Variants in PIAS2 observed in about 807,000 individuals in gnomAD.
PIAS2 encodes E3 SUMO-protein ligase PIAS2.
Under a neutral mutation model 69.7 loss-of-function variants are expected in PIAS2, and 19 were observed. That is an observed-to-expected ratio of 0.27 (90% confidence interval 0.19 to 0.40). The LOEUF (loss-of-function observed/expected upper bound fraction) is 0.40, where lower values mean the gene tolerates loss of function less well. Ranked by LOEUF, PIAS2 falls within the 10% of genes least tolerant of loss-of-function variation. The probability of loss-of-function intolerance (pLI) is 1.00; values close to 1 mark genes in which losing one functional copy is unlikely to be tolerated. For synonymous variants in PIAS2, 261 were observed against 263.2 expected (o/e 0.99, Z 0.08); for missense variants, 624 against 757.0 (o/e 0.82, Z 2.06).
At chr18:46,908,171 T>C (rs975623987) in intron 1 of PIAS2, among the ~76,000 whole-genome samples, 5 of 152,196 alleles carry the variant, frequency 3.3e-5, no homozygotes, top group Non-Finnish European at 5.9e-5. Context: ...AGATGGGGTC[T>C]CACCATGTTG....
At chr18:46,848,963 T>C (rs1054878877) in intron 5 of PIAS2, among the ~76,000 whole-genome samples, 2 of 152,172 alleles carry the variant, frequency 1.3e-5, no homozygotes, top group African/African-American at 2.4e-5. Context: ...CTAGGTAATT[T>C]TGAACAAAAC....
At chr18:46,869,476 T>G (rs1025962587) in intron 2 of PIAS2, among the ~76,000 whole-genome samples, 12 of 151,854 alleles carry the variant, frequency 7.9e-5, no homozygotes, top group Non-Finnish European at 1.8e-4. Context: ...AAATCTCTAA[T>G]ATAAGGAGGG....
Position 46,812,457 on chromosome 18 carries a change from A to T in PIAS2, c.1842T>A (p.Ile614=). The stretch of plus-strand genomic sequence containing the variant: ...TTTAGTCCAATGAGATGATGTCAGG[A>T]ATGTTACTTCCACTGCTGGTTATGA... ...TGVITSSGSN[I]PDIISLD The change falls in exon 14 of 14, where the codon ATT becomes ATA. Residue 614 remains isoleucine, a synonymous_variant. Transcript: ENST00000585916. 11 of 1,611,756 alleles carry T rather than the reference A, an allele frequency of 6.8e-6. No individual in the cohort carries two copies. Among genetic ancestry groups the T allele is most frequent in the Non-Finnish European group, 9.3e-6 (11 of 1,178,476 alleles).
intron 12 of PIAS2, among the ~76,000 whole-genome samples, chr18:46,818,967 A>C (rs913389550): frequency 6.6e-6 from 1 of 152,110 alleles, no homozygotes; most frequent in Non-Finnish European, 1.5e-5. Context: ...AAAGAAATAA[A>C]GTCTCACTTT....
chr18:46,828,669 GA>G, intron 10 of PIAS2, among the ~76,000 whole-genome samples: 1 of 152,048 alleles, frequency 6.6e-6, no homozygotes, highest in East Asian at 1.9e-4. Context: ...TTGATAAGTT[GA>G]AAAAAACCCA....
chr18:46,870,817 C>T (rs1201659800), intron 2 of PIAS2, among the ~76,000 whole-genome samples: 1 of 151,968 alleles, frequency 6.6e-6, no homozygotes. Flanking sequence ...GGAACGTGAA[C>T]ATCCTCCTGG....
Position 46,844,799 on chromosome 18 carries a change from G to A in PIAS2, c.902C>T (p.Ser301Leu). ...TTTTAATCTCTGTAATAACATGGCT[G>A]ATGTAAGCTGCCGTACAAGATATAC... ...MSVYLVRQLT[S>L]AMLLQRLKMK... Residue 301 changes from serine to leucine, a missense_variant, in exon 7 of 14, where the codon TCA (serine) becomes TTA (leucine). Ser to Leu is a moderately radical substitution (Grantham distance 145). Around this residue, in one of 3 missense-constraint regions of PIAS2, gnomAD observed 339 missense variants for 408.8 expected, o/e 0.83. Coordinates refer to ENST00000585916, the MANE Select transcript of PIAS2 (RefSeq NM_004671.5). 2 of 1,485,944 alleles carry A rather than the reference G, an allele frequency of 1.3e-6. No individual in the cohort carries two copies. Among genetic ancestry groups the A allele is most frequent in the South Asian group, 1.5e-5 (1 of 68,930 alleles). The allele number at this position is 1,485,944 out of a possible 1,614,324, so 92.0% of individuals were successfully genotyped here. A position where few individuals can be genotyped will look rare whatever the true frequency, so the allele number is the denominator to read the frequency against.
At chr18:46,874,057 C>T (rs1217511524) in intron 2 of PIAS2, among the ~76,000 whole-genome samples, 3 of 152,152 alleles carry the variant, frequency 2.0e-5, no homozygotes, top group African/African-American at 7.2e-5. Context: ...CCACTGGGGA[C>T]CTCAAGCTCT....
At chr18:46,852,960 T>G (rs1490025368) in intron 5 of PIAS2, 2 of 152,182 alleles carry the variant, frequency 1.3e-5, no homozygotes, top group Non-Finnish European at 2.9e-5. Flanking sequence ...GAGGGGCAAA[T>G]AGCAATGAGA....
chr18:46,848,998 G>A (rs2046576835), intron 5 of PIAS2, among the ~76,000 whole-genome samples: 1 of 152,060 alleles, frequency 6.6e-6, no homozygotes. Context: ...TTTTGGGCCT[G>A]GAAGATAATT....
At chr18:46,864,441 C>A (rs1308717591) in intron 2 of PIAS2, among the ~76,000 whole-genome samples, 193 bp from the exon 3 acceptor site, 1 of 152,146 alleles carries the variant, frequency 6.6e-6, no homozygotes, top group East Asian at 1.9e-4. Context: ...AAAGGGGTTT[C>A]TTTAACGTTA....
chr18:46,836,610 C>A (rs1412813784), intron 8 of PIAS2, 93 bp from the exon 9 acceptor site: 3 of 784,198 alleles, frequency 3.8e-6, no homozygotes, highest in South Asian at 2.4e-5. Context: ...AGATGTCATA[C>A]AAGAAGATGA....
rs2040726578 is a variant in PIAS2, at chr18:46,807,194, C to A, written c.*5239G>T. 6.6e-6 allele frequency: 1 copy of A among 150,388 alleles called. No homozygotes were observed. The highest frequency in any genetic ancestry group is 2.5e-5 in the African/African-American group (1 of 40,688). The allele number at this position is 150,388 out of a possible 1,614,324, so 9.3% of individuals were successfully genotyped here. On this transcript the variant is annotated 3_prime_UTR_variant, in exon 14 of 14. Transcript: ENST00000585916. ...AGAGAGCTGACCTCTTAAGGGCAGG[C>A]CTTAGGTACAAGAGGCTTTTTTTAA...
intron 1 of PIAS2, among the ~76,000 whole-genome samples, chr18:46,898,633 A>C (rs2055281268): frequency 6.6e-6 from 1 of 152,214 alleles, no homozygotes; most frequent in Non-Finnish European, 1.5e-5. Context: ...AGTAACACAA[A>C]AACATAAAAT....
At chr18:46,865,457 T>C (rs917953703) in intron 2 of PIAS2, among the ~76,000 whole-genome samples, 1 of 151,000 alleles carries the variant, frequency 6.6e-6, no homozygotes, top group African/African-American at 2.4e-5. Context: ...GAAGAATCGC[T>C]TGAACCTGGG....
At chr18:46,816,529 G>C in intron 12 of PIAS2, 1 of 760,758 alleles carries the variant, frequency 1.3e-6, no homozygotes, top group Non-Finnish European at 1.6e-6. Context: ...CCAGGCTGGA[G>C]TGCAGAGGCA....
intron 12 of PIAS2, chr18:46,818,304 A>T: frequency 7.1e-7 from 1 of 1,410,070 alleles, no homozygotes; most frequent in Non-Finnish European, 9.3e-7. Context: ...AGCAATAATA[A>T]GGCAGTCATA....
intron 1 of PIAS2, among the ~76,000 whole-genome samples, chr18:46,898,494 ACT>A (rs770372839): frequency 6.6e-6 from 1 of 152,102 alleles, no homozygotes; most frequent in Non-Finnish European, 1.5e-5. Context: ...AAATGACAAG[ACT>A]CTCTCTATTA....
chr18:46,874,192 G>A (rs747494311), intron 2 of PIAS2, among the ~76,000 whole-genome samples: 11 of 152,156 alleles, frequency 7.2e-5, no homozygotes, highest in Non-Finnish European at 1.0e-4. Flanking sequence ...ACCCATCGGA[G>A]GAAGAACCCT....
Sources: gnomAD v4.1 joint callset for allele counts (sites outside exome capture counted in the v4.1 genomes callset) on GRCh38, gnomAD v4.1.1 for gene constraint, gnomAD v4.1.1 regional missense constraint, MANE v1.5 for transcripts, NCBI Gene and HGNC (gene_info 2026-07-23, HGNC 2026-07-21) for gene names.